Variants in RAD54L observed in about 807,000 individuals in gnomAD.
RAD54L encodes DNA repair and recombination protein RAD54-like.
RAD54L carries 74 observed loss-of-function variants against 91.6 expected under a neutral mutation model. The ratio of observed to expected loss-of-function variants is 0.81; its 90% CI spans 0.67 to 0.98. The LOEUF is 0.98. Ranked by LOEUF, RAD54L falls within the 50% of genes least tolerant of loss-of-function variation. RAD54L has a pLI of 0.00. For missense variants in RAD54L, 887 were observed against 945.7 expected, an observed-to-expected ratio of 0.94 and a Z score of 0.81; for synonymous variants, 304 against 349.7, an observed-to-expected ratio of 0.87 and a Z score of 1.46.
At chr1:46,272,874 G>A in intron 12 of RAD54L, 72 bp downstream of exon 12, 2 of 1,593,344 alleles carry the variant, frequency 1.3e-6, no homozygotes, top group Non-Finnish European at 1.7e-6. Flanking sequence ...TAGTGGCCTG[G>A]CAACCCTCAC....
intron 16 of RAD54L, 23 bp downstream of exon 16, chr1:46,274,740 T>C (rs759700836): frequency 1.9e-6 from 3 of 1,613,854 alleles, no homozygotes; most frequent in East Asian, 4.5e-5. Context: ...ATAGTAGTCA[T>C]AGTAGGGGTG....
rs1341308242 is a variant in RAD54L at position 46,260,033 on chromosome 1, A to T, written c.341A>T (p.Glu114Val). The change falls in exon 5 of 18, where the codon GAA (glutamate) becomes GTA (valine). Residue 114 changes from glutamate to valine, a missense_variant. Transcript: ENST00000371975. ...GVRRALHDPL[E>V]KDALVLYEPP... Reference sequence around the variant, plus strand: ...CGCCGGGCCCTCCATGACCCCCTGGAAAAAGATGCCTTGGTTCTGTATGAG... The same window carrying T: ...CGCCGGGCCCTCCATGACCCCCTGGTAAAAGATGCCTTGGTTCTGTATGAG... 1 of 1,614,020 alleles carries T rather than the reference A, an allele frequency of 6.2e-7. No homozygotes were observed. The highest frequency in any genetic ancestry group is 8.5e-7 in the Non-Finnish European group (1 of 1,180,020).
intron 12 of RAD54L, 49 bp from the exon 13 acceptor site, chr1:46,273,306 G>T: frequency 6.8e-7 from 1 of 1,462,894 alleles, no homozygotes; most frequent in South Asian, 1.1e-5. Context: ...ACACTGAAGT[G>T]GAAACTTCAG....
At chr1:46,267,395 A>C (rs527819312) in intron 8 of RAD54L, 64 bp from the exon 9 acceptor site, 5 of 1,607,562 alleles carry the variant, frequency 3.1e-6, no homozygotes, top group Non-Finnish European at 3.4e-6. Context: ...TTTCCTGTCT[A>C]CATGAGACTT....
chr1:46,260,718 A>T lies in RAD54L; in HGVS notation c.478-9A>T. ...GTGCCAAAGTGGACTGAAGGCTGTT[A>T]TTCTCTAGGGAGTGAAATTCCTGTG... is the stretch of plus-strand genomic sequence containing the variant. On this transcript the variant is annotated splice_polypyrimidine_tract_variant and intron_variant, in intron 6 of 17. Coordinates refer to ENST00000371975, the MANE Select transcript of RAD54L (RefSeq NM_003579.4). The T allele has an allele frequency of 6.2e-7, 1 of 1,614,208 alleles. No homozygotes were observed. Among genetic ancestry groups the T allele is most frequent in the Non-Finnish European group, 8.5e-7 (1 of 1,180,052 alleles).
rs2148307801 is a variant in RAD54L, at chr1:46,277,851, A to G, written c.1904A>G (p.Gln635Arg). Residue 635 changes from glutamine (Q) to arginine (R), a missense_variant, in exon 17 of 18, where the codon CAG (glutamine) becomes CGG (arginine). Coordinates refer to ENST00000371975, the MANE Select transcript of RAD54L (RefSeq NM_003579.4). ...GTIEEKIFQR[Q>R]SHKKALSSCV... Reference sequence around the variant, plus strand: ...ATTGAGGAGAAGATCTTCCAGCGTCAGAGCCACAAGAAGGCACTGAGCAGC... The same window carrying G: ...ATTGAGGAGAAGATCTTCCAGCGTCGGAGCCACAAGAAGGCACTGAGCAGC... 1 of 1,613,030 alleles carries G rather than the reference A, an allele frequency of 6.2e-7. No homozygotes were observed. Among genetic ancestry groups the G allele is most frequent in the East Asian group, 2.2e-5 (1 of 44,882 alleles).
intron 9 of RAD54L, among the ~76,000 whole-genome samples, chr1:46,268,859 G>C (rs1233146636): frequency 6.6e-6 from 1 of 152,136 alleles, no homozygotes; most frequent in Non-Finnish European, 1.5e-5. Context: ...TCAACTTCCT[G>C]GGCTCAAGCA....
At chr1:46,268,823 C>T (rs1393571848) in intron 9 of RAD54L, among the ~76,000 whole-genome samples, 13 of 152,112 alleles carry the variant, frequency 8.5e-5, no homozygotes, top group African/African-American at 1.9e-4. Context: ...TGGAGTACAG[C>T]GTTGCAGTCA....
At chr1:46,256,625 C>A (rs1183655656) in intron 3 of RAD54L, among the ~76,000 whole-genome samples, 2 of 149,060 alleles carry the variant, frequency 1.3e-5, no homozygotes, top group African/African-American at 5.1e-5. Context: ...CAAAATGAGA[C>A]CCTGTCTTTT....
At chr1:46,266,531 A>G (rs1285161422) in intron 8 of RAD54L, among the ~76,000 whole-genome samples, 1 of 152,238 alleles carries the variant, frequency 6.6e-6, no homozygotes, top group Non-Finnish European at 1.5e-5. Flanking sequence ...AAAAGGCTTA[A>G]AAGAAGTAGT....
chr1:46,277,891 G>A lies in RAD54L; in HGVS notation c.1944G>A (p.Glu648=), dbSNP rs770776928. The change falls in exon 17 of 18, where the codon GAG becomes GAA. Residue 648 remains glutamate (E), a synonymous_variant. Coordinates refer to ENST00000371975, the MANE Select transcript of RAD54L (RefSeq NM_003579.4). ...KKALSSCVVD[E]EQDVERHFSL... is the part of the protein sequence containing the mutation. ...CACTGAGCAGCTGTGTGGTGGATGA[G>A]GAGCAGGATGTAGAGCGCCACTTCT... 6 of 1,614,082 alleles carry A rather than the reference G, an allele frequency of 3.7e-6. No homozygotes were observed. Among genetic ancestry groups the A allele is most frequent in the Admixed American group, 1.7e-5 (1 of 60,028 alleles).
intron 12 of RAD54L, 125 bp downstream of exon 12, chr1:46,272,927 T>C: frequency 7.2e-7 from 1 of 1,385,664 alleles, no homozygotes; most frequent in Non-Finnish European, 1.0e-6. Context: ...CACATGTGAT[T>C]CCAACCCTAC....
rs778842838 is a variant in RAD54L, at chr1:46,249,994, TC to T, written c.91-4del. On this transcript the variant is annotated splice_region_variant and splice_polypyrimidine_tract_variant and intron_variant, in intron 2 of 17. Coordinates refer to ENST00000371975, the MANE Select transcript of RAD54L (RefSeq NM_003579.4). ...AGACTTCACCTTTCCCAATTCTCTCTCCTAGACTCCTAGGAAACGGAAATCC... is the reference window on the plus strand; with the variant it reads ...AGACTTCACCTTTCCCAATTCTCTCTCTAGACTCCTAGGAAACGGAAATCC... The T allele has an allele frequency of 1.2e-6, 2 of 1,613,786 alleles. No homozygotes were observed. Among genetic ancestry groups the T allele is most frequent in the Non-Finnish European group, 1.7e-6 (2 of 1,179,730 alleles).
At chr1:46,259,164 TTC>T (rs761864675) in intron 4 of RAD54L, among the ~76,000 whole-genome samples, 2 of 151,946 alleles carry the variant, frequency 1.3e-5, no homozygotes, top group South Asian at 2.1e-4. Context: ...GAGGCCAGCT[TTC>T]TCTCTCTCTC....
At chr1:46,277,276 G>T (rs552263978) in intron 16 of RAD54L, among the ~76,000 whole-genome samples, 1 of 152,288 alleles carries the variant, frequency 6.6e-6, no homozygotes, top group African/African-American at 2.4e-5. Flanking sequence ...TCATTTTCAA[G>T]ATTGAGCTCA....
Position 46,274,518 on chromosome 1 carries a change from C to G in RAD54L, c.1690-20C>G. 6.2e-7 allele frequency: 1 copy of G among 1,611,976 alleles called. No homozygotes were observed. Among genetic ancestry groups the G allele is most frequent in the Non-Finnish European group, 8.5e-7 (1 of 1,179,716 alleles). ...TTAGGCTATAAGAGGTTCCTTTTCTCCTGTTTCTTCTCTTTCCAGAGCCCT... is the reference window on the plus strand; with the variant it reads ...TTAGGCTATAAGAGGTTCCTTTTCTGCTGTTTCTTCTCTTTCCAGAGCCCT... On this transcript the variant is annotated intron_variant, in intron 15 of 17. Coordinates refer to ENST00000371975, the MANE Select transcript of RAD54L (RefSeq NM_003579.4).
intron 3 of RAD54L, among the ~76,000 whole-genome samples, chr1:46,250,944 C>T (rs12729042): frequency 2.0e-5 from 3 of 150,266 alleles, no homozygotes; most frequent in Non-Finnish European, 4.4e-5. Flanking sequence ...GCACTCCAGC[C>T]TGGGCAAGAG....
At position 46,248,500 on chromosome 1, in the gene RAD54L, C is replaced by T. The variant is rs181757249; in HGVS notation, c.4-12C>T. 2 of 1,613,974 alleles carry T rather than the reference C, an allele frequency of 1.2e-6. No homozygotes were observed. Among genetic ancestry groups the T allele is most frequent in the African/African-American group, 1.3e-5 (1 of 74,898 alleles). On this transcript the variant is annotated splice_polypyrimidine_tract_variant and intron_variant, in intron 1 of 17. Transcript: ENST00000371975. ...GATCCTTGCAGGCACTGTTTCTGTT[C>T]TCCCTTTACAGAGGAGGAGCTTGGC...
chr1:46,262,720 C>T (rs1014122894), intron 8 of RAD54L, among the ~76,000 whole-genome samples: 2 of 151,952 alleles, frequency 1.3e-5, no homozygotes, highest in East Asian at 1.9e-4. Flanking sequence ...AGAGGCATGG[C>T]GTTCTATCTG....
Sources: gnomAD v4.1 joint callset for allele counts (sites outside exome capture counted in the v4.1 genomes callset) on GRCh38, gnomAD v4.1.1 for gene constraint, MANE v1.5 for transcripts, NCBI Gene and HGNC (gene_info 2026-07-23, HGNC 2026-07-21) for gene names.